Variants in GXYLT1 observed in about 807,000 individuals in gnomAD.
The protein encoded by GXYLT1 is glycosyltransferase 8 domain containing 3.
In GXYLT1, 29 loss-of-function variants were observed where a neutral mutation model predicts 54.0. The ratio of observed to expected loss-of-function variants is 0.54; its 90% CI spans 0.40 to 0.73. GXYLT1 has a LOEUF of 0.73. Among genes scored for constraint, GXYLT1 ranks in the 30% least tolerant of loss-of-function variants. The probability of loss-of-function intolerance (pLI) is 0.00; values close to 1 mark genes in which losing one functional copy is unlikely to be tolerated. For synonymous variants in GXYLT1, 176 were observed against 204.1 expected (o/e 0.86, Z 1.17); for missense variants, 490 against 553.4 (o/e 0.89, Z 1.15).
chr12:42,132,089 C>A (rs1055832788), intron 1 of GXYLT1, among the ~76,000 whole-genome samples: 5 of 152,072 alleles, frequency 3.3e-5, no homozygotes, highest in Admixed American at 2.6e-4. Context: ...ATATATTTAA[C>A]AATACCATTT....
chr12:42,115,172 T>G (rs1289943862), intron 3 of GXYLT1, among the ~76,000 whole-genome samples: 1 of 152,110 alleles, frequency 6.6e-6, no homozygotes, highest in Non-Finnish European at 1.5e-5. Flanking sequence ...ACAGCTAATA[T>G]CATACTGAAT....
intron 1 of GXYLT1, among the ~76,000 whole-genome samples, chr12:42,130,740 TAGG>T (rs1360592764): frequency 1.3e-5 from 2 of 152,042 alleles, no homozygotes; most frequent in Non-Finnish European, 2.9e-5. Flanking sequence ...TGCTTGAGGC[TAGG>T]AGTTCAAGAT....
chr12:42,123,295 T>C (rs1444999233), intron 2 of GXYLT1, among the ~76,000 whole-genome samples: 6 of 152,204 alleles, frequency 3.9e-5, no homozygotes, highest in Non-Finnish European at 7.4e-5. Flanking sequence ...AGTATGTCCC[T>C]GTTCTTAGGA....
At chr12:42,139,650 C>G (rs368600832) in intron 1 of GXYLT1, among the ~76,000 whole-genome samples, 1 of 152,182 alleles carries the variant, frequency 6.6e-6, no homozygotes, top group South Asian at 2.1e-4. Flanking sequence ...TCTAAGCTCT[C>G]TAGTCGATGG....
intron 3 of GXYLT1, 139 bp from the exon 4 acceptor site, chr12:42,109,830 T>C: frequency 1.9e-6 from 1 of 539,766 alleles, no homozygotes; most frequent in Non-Finnish European, 3.1e-6. Flanking sequence ...GGAAAGATTC[T>C]TCTGTTCCAC....
chr12:42,118,462 C>T (rs1400433535), intron 3 of GXYLT1, among the ~76,000 whole-genome samples: 3 of 152,224 alleles, frequency 2.0e-5, no homozygotes, highest in Non-Finnish European at 2.9e-5. Context: ...AATGAACCTT[C>T]CTCTTTCACG....
chr12:42,131,724 A>T (rs2065595014), intron 1 of GXYLT1, among the ~76,000 whole-genome samples: 1 of 152,202 alleles, frequency 6.6e-6, no homozygotes, highest in African/African-American at 2.4e-5. Context: ...CCTCTCAGGC[A>T]TGGCTATGTA....
chr12:42,130,646 C>T (rs2065588737), intron 1 of GXYLT1, among the ~76,000 whole-genome samples: 1 of 152,062 alleles, frequency 6.6e-6, no homozygotes, highest in South Asian at 2.1e-4. Flanking sequence ...CATACATATA[C>T]ACACATGCAT....
At chr12:42,089,577 G>C (rs1439121676) in intron 7 of GXYLT1, among the ~76,000 whole-genome samples, 1 of 152,084 alleles carries the variant, frequency 6.6e-6, no homozygotes, top group Non-Finnish European at 1.5e-5. Flanking sequence ...AAACAACGAA[G>C]GCAAGGAGAG....
intron 5 of GXYLT1, among the ~76,000 whole-genome samples, chr12:42,103,426 G>C (rs967350263): frequency 1.3e-5 from 2 of 152,146 alleles, no homozygotes; most frequent in African/African-American, 4.8e-5. Flanking sequence ...AACAATCGTG[G>C]ATCTGTATAA....
Position 42,086,646 on chromosome 12 carries a change from C to T in GXYLT1, c.*1140G>A, listed in dbSNP as rs1323417258. On this transcript the variant is annotated 3_prime_UTR_variant, in exon 8 of 8. Transcript: ENST00000398675. Reference sequence around the variant, plus strand: ...CTCAAGATTTAAAAAAATTAACTGTCTTAGGTGATATTCAAAAATGCACAT... The same window carrying T: ...CTCAAGATTTAAAAAAATTAACTGTTTTAGGTGATATTCAAAAATGCACAT... The T allele has an allele frequency of 1.3e-5, 2 of 151,884 alleles. No individual in the cohort carries two copies. Among genetic ancestry groups the T allele is most frequent in the African/African-American group, 2.4e-5 (1 of 41,326 alleles). The allele number at this position is 151,884 out of a possible 1,614,324, so 9.4% of individuals were successfully genotyped here. A position where few individuals can be genotyped will look rare whatever the true frequency, so the allele number is the denominator to read the frequency against.
At chr12:42,110,206 T>A (rs568376898) in intron 3 of GXYLT1, among the ~76,000 whole-genome samples, 24 of 152,230 alleles carry the variant, frequency 1.6e-4, no homozygotes, top group African/African-American at 5.3e-4. Flanking sequence ...GCCAATTTTT[T>A]AAAAATTATT....
intron 1 of GXYLT1, among the ~76,000 whole-genome samples, chr12:42,134,338 G>C (rs1367840664): frequency 6.6e-6 from 1 of 152,064 alleles, no homozygotes. Flanking sequence ...CTGAGACAGG[G>C]TCTTGCTCTG....
chr12:42,099,572 G>C (rs2136882515), intron 5 of GXYLT1, among the ~76,000 whole-genome samples: 1 of 152,300 alleles, frequency 6.6e-6, no homozygotes, highest in South Asian at 2.1e-4. Flanking sequence ...TAGTTATGAT[G>C]TCAGGCACAG....
chr12:42,135,692 A>C lies in GXYLT1; in HGVS notation c.222-5841T>G, dbSNP rs77751852. Among the ~76,000 whole-genome samples the C allele has an allele frequency of 9.7e-3, 1,480 of 152,342 alleles. 25 individuals are homozygous for C. Among genetic ancestry groups the C allele is most frequent in the African/African-American group, 0.034 (1,414 of 41,566 alleles). On this transcript the variant is annotated intron_variant, in intron 1 of 7. Transcript: ENST00000398675. ...AACCTTGAAATATTATGCCAAAAAG[A>C]AAGCCAGATTCAAAAGGCCACATAC... is the stretch of plus-strand genomic sequence containing the variant.
intron 1 of GXYLT1, among the ~76,000 whole-genome samples, chr12:42,140,585 C>G (rs1029170677): frequency 5.4e-5 from 8 of 148,524 alleles, no homozygotes; most frequent in Admixed American, 2.0e-4. Flanking sequence ...AGTGGCAAAG[C>G]TGAAGTCTGT....
rs895161716 is a variant in GXYLT1 at position 42,083,088 on chromosome 12, G to T, written c.*4698C>A. The T allele has an allele frequency of 6.6e-6, 1 of 152,046 alleles. No individual in the cohort carries two copies. The highest frequency in any genetic ancestry group is 2.4e-5 in the African/African-American group (1 of 41,392). The allele number at this position is 152,046 out of a possible 1,614,324, so 9.4% of individuals were successfully genotyped here. ...ATATTTTCTATTTAAGTCTGACATT[G>T]ATTTGCAATCCATTTTAAACTGTTA... On this transcript the variant is annotated 3_prime_UTR_variant, in exon 8 of 8. Coordinates refer to ENST00000398675, the MANE Select transcript of GXYLT1 (RefSeq NM_173601.2).
At chr12:42,093,654 T>C (rs557947456) in intron 7 of GXYLT1, among the ~76,000 whole-genome samples, 1 of 152,228 alleles carries the variant, frequency 6.6e-6, no homozygotes, top group Admixed American at 6.5e-5. Flanking sequence ...ATCTGAAATC[T>C]TCTGGTTAAA....
At chr12:42,138,207 T>C (rs927956339) in intron 1 of GXYLT1, among the ~76,000 whole-genome samples, 2 of 152,018 alleles carry the variant, frequency 1.3e-5, no homozygotes, top group Non-Finnish European at 2.9e-5. Flanking sequence ...GTGGAGGCTG[T>C]AGTGAGCCGA....
Sources: gnomAD v4.1 joint callset for allele counts (sites outside exome capture counted in the v4.1 genomes callset) on GRCh38, gnomAD v4.1.1 for gene constraint, MANE v1.5 for transcripts, NCBI Gene and HGNC (gene_info 2026-07-23, HGNC 2026-07-21) for gene names.